MYRIP: variants seen among roughly 807,000 people sequenced by gnomAD.
The protein encoded by MYRIP is myosin VIIA and Rab interacting protein, also known as rab effector MyRIP.
MYRIP carries 49 observed loss-of-function variants against 98.0 expected under a neutral mutation model. The ratio of observed to expected loss-of-function variants is 0.50; its 90% CI spans 0.40 to 0.63. The LOEUF (loss-of-function observed/expected upper bound fraction) is 0.63. MYRIP is among the 30% of genes least tolerant of loss of function. The probability of loss-of-function intolerance (pLI) is 0.00; values close to 1 mark genes in which losing one functional copy is unlikely to be tolerated. For synonymous variants in MYRIP, 404 were observed against 409.5 expected (o/e 0.99, Z 0.16); for missense variants, 1,004 against 1,058.2 (o/e 0.95, Z 0.71).
At chr3:39,891,046 A>AT (rs890026235) in intron 1 of MYRIP, among the ~76,000 whole-genome samples, 1 of 151,910 alleles carries the variant, frequency 6.6e-6, no homozygotes, top group Non-Finnish European at 1.5e-5. Flanking sequence ...GGTCTCTGTC[A>AT]TTTTTTATTG....
chr3:40,122,870 A>T (rs957660531), intron 3 of MYRIP, among the ~76,000 whole-genome samples: 1 of 150,370 alleles, frequency 6.7e-6, no homozygotes, highest in Non-Finnish European at 1.5e-5. Flanking sequence ...AAGTAGATAT[A>T]TTTTTTTTTA....
At chr3:39,845,153 A>G (rs964209911) in intron 1 of MYRIP, among the ~76,000 whole-genome samples, 3 of 152,212 alleles carry the variant, frequency 2.0e-5, no homozygotes, top group African/African-American at 4.8e-5. Flanking sequence ...GGGACAATCC[A>G]TTAGAGAAAT....
intron 2 of MYRIP, among the ~76,000 whole-genome samples, chr3:39,918,276 T>C (rs1944216784): frequency 6.6e-6 from 1 of 152,224 alleles, no homozygotes; most frequent in Middle Eastern, 3.2e-3. Context: ...TGTGCTCAAA[T>C]AAACTCTATA....
At chr3:39,936,685 C>T (rs1575395133) in intron 2 of MYRIP, among the ~76,000 whole-genome samples, 1 of 152,268 alleles carries the variant, frequency 6.6e-6, no homozygotes, top group South Asian at 2.1e-4. Context: ...TATGCTTGCA[C>T]CGTAATACAC....
intron 4 of MYRIP, among the ~76,000 whole-genome samples, chr3:40,159,687 C>T (rs1443956821): frequency 2.0e-5 from 3 of 151,636 alleles, no homozygotes; most frequent in Admixed American, 6.6e-5. Context: ...GGAGGCTTTG[C>T]TCATTTCTTT....
At chr3:39,990,282 C>G (rs1019198051) in intron 2 of MYRIP, among the ~76,000 whole-genome samples, 2 of 152,300 alleles carry the variant, frequency 1.3e-5, no homozygotes, top group Non-Finnish European at 2.9e-5. Flanking sequence ...CACTACTCTT[C>G]CTTCTTCTCT....
intron 2 of MYRIP, among the ~76,000 whole-genome samples, chr3:39,944,008 A>C (rs752837869): frequency 4.8e-4 from 73 of 152,276 alleles, no homozygotes; most frequent in Non-Finnish European, 8.7e-4. Context: ...CTCTCATTCC[A>C]CACAGGTCCA....
chr3:40,115,084 A>G (rs1323561509), intron 3 of MYRIP, among the ~76,000 whole-genome samples: 2 of 152,192 alleles, frequency 1.3e-5, no homozygotes, highest in Non-Finnish European at 2.9e-5. Flanking sequence ...CAATATCAGT[A>G]TATCTGATAT....
intron 3 of MYRIP, among the ~76,000 whole-genome samples, chr3:40,137,606 C>T (rs1167057787): frequency 6.6e-6 from 1 of 152,156 alleles, no homozygotes; most frequent in Non-Finnish European, 1.5e-5. Context: ...GACCAATATC[C>T]TTGATGAACA....
At chr3:39,839,476 T>A (rs1941729115) in intron 1 of MYRIP, among the ~76,000 whole-genome samples, 1 of 152,178 alleles carries the variant, frequency 6.6e-6, no homozygotes, top group Non-Finnish European at 1.5e-5. Flanking sequence ...CAGACTGGTC[T>A]CAAACTCCTG....
chr3:40,256,941 C>T (rs1463401791), intron 16 of MYRIP, among the ~76,000 whole-genome samples: 2 of 152,024 alleles, frequency 1.3e-5, no homozygotes, highest in African/African-American at 4.8e-5. Context: ...CACATACAGA[C>T]ACACAAAAAT....
At chr3:40,090,619 A>G (rs1465383441) in intron 3 of MYRIP, among the ~76,000 whole-genome samples, 3 of 152,224 alleles carry the variant, frequency 2.0e-5, no homozygotes, top group Non-Finnish European at 4.4e-5. Flanking sequence ...ACTCAGATGA[A>G]CAGCTTCATT....
intron 2 of MYRIP, among the ~76,000 whole-genome samples, chr3:39,980,556 T>G (rs1945866009): frequency 6.6e-6 from 1 of 152,184 alleles, no homozygotes; most frequent in Non-Finnish European, 1.5e-5. Flanking sequence ...TCACTCAGAG[T>G]CAGACCCAAA....
intron 3 of MYRIP, among the ~76,000 whole-genome samples, chr3:40,110,886 GTGTGTGTGTGTGTGT>G (rs1949144193): frequency 1.1e-3 from 2 of 1,762 alleles, no homozygotes; most frequent in Non-Finnish European, 0.011. Context: ...GAAGGGGTGT[GTGTGTGTGTGTGTGT>G]GTGTGTGTGT....
At chr3:39,988,660 G>C (rs1575441238) in intron 2 of MYRIP, among the ~76,000 whole-genome samples, 2 of 150,988 alleles carry the variant, frequency 1.3e-5, no homozygotes, top group Non-Finnish European at 2.9e-5. Context: ...TCAATTGTAG[G>C]TTTGGTCTTT....
chr3:40,133,534 G>A (rs759511706), intron 3 of MYRIP, among the ~76,000 whole-genome samples: 1 of 152,186 alleles, frequency 6.6e-6, no homozygotes, highest in Non-Finnish European at 1.5e-5. Flanking sequence ...GAGAAAGTTG[G>A]ATGAGGCTTT....
intron 5 of MYRIP, among the ~76,000 whole-genome samples, chr3:40,165,704 A>G (rs1950486980): frequency 1.3e-5 from 2 of 151,964 alleles, no homozygotes; most frequent in Non-Finnish European, 2.9e-5. Flanking sequence ...CTCCAAAAAG[A>G]ACTTTGTCAC....
intron 2 of MYRIP, among the ~76,000 whole-genome samples, chr3:40,009,022 C>T (rs1172238482): frequency 6.6e-6 from 1 of 152,142 alleles, no homozygotes; most frequent in African/African-American, 2.4e-5. Context: ...CTTACTGTCA[C>T]AGAAGCCAAG....
At chr3:39,939,758 C>T (rs368767366) in intron 2 of MYRIP, among the ~76,000 whole-genome samples, 2 of 152,158 alleles carry the variant, frequency 1.3e-5, no homozygotes, top group African/African-American at 4.8e-5. Flanking sequence ...TCAAAAATTA[C>T]AGAACCAAAA....
Sources: gnomAD v4.1 joint callset for allele counts (sites outside exome capture counted in the v4.1 genomes callset) on GRCh38, gnomAD v4.1.1 for gene constraint, MANE v1.5 for transcripts, NCBI Gene and HGNC (gene_info 2026-07-23, HGNC 2026-07-21) for gene names.